ARB2A: variants seen among roughly 807,000 people sequenced by gnomAD.
The protein encoded by ARB2A is cotranscriptional regulator ARB2A.
chr5:93,796,612 T>C, the ARB2A span, among the ~76,000 whole-genome samples: 1 of 152,042 alleles, frequency 6.6e-6, no homozygotes, highest in African/African-American at 2.4e-5. Context: ...TAGGAACTTA[T>C]GCTAAATACC....
chr5:93,670,118 G>T, the ARB2A span, among the ~76,000 whole-genome samples: 25 of 152,006 alleles, frequency 1.6e-4, no homozygotes, highest in African/African-American at 6.0e-4. Flanking sequence ...AAATGATTAT[G>T]TTGGACACTT....
the ARB2A span, among the ~76,000 whole-genome samples, chr5:93,913,274 G>C: frequency 1.3e-5 from 2 of 151,892 alleles, no homozygotes; most frequent in Non-Finnish European, 2.9e-5. Context: ...CTGTCGGCCA[G>C]GAGAAAAGTC....
chr5:93,865,311 G>A, the ARB2A span: 1 of 694,306 alleles, frequency 1.4e-6, no homozygotes, highest in South Asian at 6.5e-5. Flanking sequence ...TCGATCTCCT[G>A]ACCTTGTGAT....
chr5:93,904,549 AATG>A, the ARB2A span, among the ~76,000 whole-genome samples: 1 of 151,822 alleles, frequency 6.6e-6, no homozygotes, highest in African/African-American at 2.4e-5. Flanking sequence ...TTTGTGTATA[AATG>A]ATGATCTTAC....
chr5:93,918,473 G>A, the ARB2A span, among the ~76,000 whole-genome samples: 19 of 129,494 alleles, frequency 1.5e-4, no homozygotes, highest in South Asian at 2.3e-4. Flanking sequence ...TTGCTCTGTC[G>A]TGCAATGGTG....
chr5:93,844,842 C>T, the ARB2A span, among the ~76,000 whole-genome samples: 2 of 152,134 alleles, frequency 1.3e-5, no homozygotes, highest in Admixed American at 1.3e-4. Context: ...TGAGCCGGAC[C>T]TGGATTTATA....
the ARB2A span, among the ~76,000 whole-genome samples, chr5:93,919,078 T>C: frequency 6.6e-6 from 1 of 152,142 alleles, no homozygotes; most frequent in African/African-American, 2.4e-5. Flanking sequence ...TTTTCAAAGA[T>C]TCCACAGGTA....
At chr5:93,750,552 C>T in the ARB2A span, among the ~76,000 whole-genome samples, 1 of 152,134 alleles carries the variant, frequency 6.6e-6, no homozygotes, top group African/African-American at 2.4e-5. Context: ...GATGGGGTCT[C>T]ATTCTGTTGC....
chr5:93,974,481 T>C, the ARB2A span, among the ~76,000 whole-genome samples: 1 of 152,208 alleles, frequency 6.6e-6, no homozygotes, highest in South Asian at 2.1e-4. Context: ...AAGACTTATA[T>C]AGCCACACAA....
At chr5:94,098,176 A>C in the ARB2A span, among the ~76,000 whole-genome samples, 1 of 152,172 alleles carries the variant, frequency 6.6e-6, no homozygotes, top group African/African-American at 2.4e-5. Context: ...AGAGTATAAA[A>C]GCAAAAAGGC....
chr5:93,675,926 C>T, the ARB2A span, among the ~76,000 whole-genome samples: 1 of 152,132 alleles, frequency 6.6e-6, no homozygotes, highest in Non-Finnish European at 1.5e-5. Context: ...TGCAAGCCAT[C>T]GGAAAACTTA....
At chr5:94,064,944 T>G in the ARB2A span, among the ~76,000 whole-genome samples, 2 of 151,906 alleles carry the variant, frequency 1.3e-5, no homozygotes, top group African/African-American at 4.8e-5. Context: ...GGGAAAGAAC[T>G]CAAATGTTAC....
At chr5:93,912,031 AG>A in the ARB2A span, among the ~76,000 whole-genome samples, 1 of 151,782 alleles carries the variant, frequency 6.6e-6, no homozygotes, top group African/African-American at 2.4e-5. Context: ...GTCGAAATGA[AG>A]AGAAATTTCA....
At chr5:93,876,300 C>T in the ARB2A span, among the ~76,000 whole-genome samples, 1 of 151,998 alleles carries the variant, frequency 6.6e-6, no homozygotes, top group African/African-American at 2.4e-5. Flanking sequence ...CAAAAAATTC[C>T]ATCTTATTAC....
At chr5:93,711,201 T>TTTG in the ARB2A span, among the ~76,000 whole-genome samples, 1 of 151,290 alleles carries the variant, frequency 6.6e-6, no homozygotes, top group African/African-American at 2.4e-5. Context: ...CTATTTTTTT[T>TTTG]TTTGTTTTTT....
chr5:93,740,607 T>C, the ARB2A span: 2 of 1,599,808 alleles, frequency 1.3e-6, no homozygotes, highest in Admixed American at 1.7e-5. Flanking sequence ...GAGTGGTGGC[T>C]GGGGCAGAGG....
At chr5:93,705,468 T>G in the ARB2A span, among the ~76,000 whole-genome samples, 1 of 152,106 alleles carries the variant, frequency 6.6e-6, no homozygotes, top group Non-Finnish European at 1.5e-5. Context: ...ATTTAAAACA[T>G]AGTTATTGAG....
At chr5:93,835,371 T>C in the ARB2A span, among the ~76,000 whole-genome samples, 1 of 152,238 alleles carries the variant, frequency 6.6e-6, no homozygotes, top group Non-Finnish European at 1.5e-5. Context: ...CAGTGACAGG[T>C]TCACATATTT....
the ARB2A span, among the ~76,000 whole-genome samples, chr5:93,761,088 G>A: frequency 1.3e-5 from 2 of 152,134 alleles, no homozygotes; most frequent in Non-Finnish European, 2.9e-5. Context: ...GAGCCAAGAT[G>A]GCCAAATAGG....
Sources: gnomAD v4.1 joint callset for allele counts (sites outside exome capture counted in the v4.1 genomes callset) on GRCh38, gnomAD v4.1.1 for gene constraint, MANE v1.5 for transcripts, NCBI Gene and HGNC (gene_info 2026-07-23, HGNC 2026-07-21) for gene names.